The following AGR3 variants were observed in gnomAD, a reference collection of about 807,000 sequenced individuals.
The protein encoded by AGR3 is anterior gradient 3, protein disulphide isomerase family member.
AGR3 carries 37 observed loss-of-function variants against 24.5 expected under a neutral mutation model. That is an observed-to-expected ratio of 1.51 (90% CI 1.16 to 1.99). AGR3 has a LOEUF of 1.99. Among genes scored for constraint, AGR3 ranks in the 30% most tolerant of loss-of-function variants. The pLI is 0.00. For synonymous variants in AGR3, 75 were observed against 61.6 expected (o/e 1.22, Z -1.02); for missense variants, 228 against 191.1 (o/e 1.19, Z -1.14).
chr7:16,880,247 G>A (rs1290252738), intron 1 of AGR3, among the ~76,000 whole-genome samples: 1 of 136,632 alleles, frequency 7.3e-6, no homozygotes, highest in Non-Finnish European at 1.5e-5. Context: ...TGCAACCTCC[G>A]CCTCCCAGGT....
chr7:16,863,719 T>C (rs1217157053), intron 3 of AGR3, among the ~76,000 whole-genome samples: 3 of 151,948 alleles, frequency 2.0e-5, no homozygotes, highest in Non-Finnish European at 2.9e-5. Flanking sequence ...ATGCCACTGT[T>C]CTTTTATATT....
At chr7:16,859,394 A>G (rs1392567054), downstream of AGR3, 3 of 513,248 alleles carry the variant, frequency 5.8e-6, no homozygotes, top group Non-Finnish European at 1.0e-5. Flanking sequence ...AGGCAGAAAT[A>G]AAACTATATT....
At chr7:16,874,675 C>T (rs1299952881) in intron 2 of AGR3, among the ~76,000 whole-genome samples, 2 of 152,098 alleles carry the variant, frequency 1.3e-5, no homozygotes, top group African/African-American at 4.8e-5. Flanking sequence ...TGTTGTCAGA[C>T]CACAGTTTCT....
At chr7:16,881,520 G>A (rs1782116478) in intron 1 of AGR3, among the ~76,000 whole-genome samples, 1 of 152,170 alleles carries the variant, frequency 6.6e-6, no homozygotes. Flanking sequence ...ATGCATTTGG[G>A]AGGCACATAA....
chr7:16,862,853 C>G (rs954957457), intron 3 of AGR3, among the ~76,000 whole-genome samples, 191 bp from the exon 4 acceptor site: 2 of 152,150 alleles, frequency 1.3e-5, no homozygotes, highest in Admixed American at 6.5e-5. Flanking sequence ...ATCAGTATCA[C>G]TAGGTAGCTT....
At chr7:16,872,101 A>G (rs1781877051) in intron 3 of AGR3, among the ~76,000 whole-genome samples, 1 of 152,182 alleles carries the variant, frequency 6.6e-6, no homozygotes, top group Non-Finnish European at 1.5e-5. Flanking sequence ...CAGAAAGAAA[A>G]AAATCTTCAA....
downstream of AGR3, among the ~76,000 whole-genome samples, chr7:16,858,163 T>A (rs1207930721): frequency 1.3e-5 from 2 of 152,036 alleles, no homozygotes; most frequent in African/African-American, 4.8e-5. Context: ...AATTTTCGTA[T>A]TTTTAATAGA....
chr7:16,865,293 C>T, intron 3 of AGR3: 1 of 1,066,628 alleles, frequency 9.4e-7, no homozygotes. Context: ...AATCTGGAGG[C>T]TGTTTATTGC....
chr7:16,867,534 G>A (rs1210382070), intron 3 of AGR3, among the ~76,000 whole-genome samples: 1 of 152,004 alleles, frequency 6.6e-6, no homozygotes, highest in Admixed American at 6.6e-5. Flanking sequence ...AAAATTTACT[G>A]TCAGCAATTT....
In AGR3 at chr7:16,873,633, C is replaced by G. The variant is rs112712761; in HGVS notation, c.173+147G>C. 5.9e-5 allele frequency: 37 copies of G among 625,836 alleles called. 1 individual carries two copies. The highest frequency in any genetic ancestry group is 8.5e-4 in the Middle Eastern group (2 of 2,350). 38.8% of individuals were successfully genotyped at this position (625,836 alleles called of 1,614,324 possible). On this transcript the variant is annotated intron_variant, in intron 3 of 7. Transcript: ENST00000310398. ...CCCACCAGAAAGAAATGATATGTTTCAGGTGATGCATATGCTAATTACACT... is the reference window on the plus strand; with the variant it reads ...CCCACCAGAAAGAAATGATATGTTTGAGGTGATGCATATGCTAATTACACT...
At position 16,867,286 on chromosome 7, in the gene AGR3, C is replaced by T. The variant is rs184851847; in HGVS notation, c.174-4624G>A. 5.8e-3 allele frequency among the ~76,000 whole-genome samples: 881 copies of T among 152,234 alleles called. 3 individuals are homozygous for T. The highest frequency in any genetic ancestry group is 0.021 in the Middle Eastern group (6 of 292). On this transcript the variant is annotated intron_variant, in intron 3 of 7. Transcript: ENST00000310398. Reference sequence around the variant, plus strand: ...CTAATTATTACATAATCTGTCTCCCCTATTCCTGATTTAAAATACCACTTC... The same window carrying T: ...CTAATTATTACATAATCTGTCTCCCTTATTCCTGATTTAAAATACCACTTC...
chr7:16,872,167 G>A (rs1052487810), intron 3 of AGR3, among the ~76,000 whole-genome samples: 3 of 152,050 alleles, frequency 2.0e-5, no homozygotes, highest in South Asian at 2.1e-4. Context: ...TGAGTGAAAA[G>A]AACAAAACTG....
At chr7:16,875,426 C>T (rs1226830917) in intron 2 of AGR3, among the ~76,000 whole-genome samples, 3 of 152,042 alleles carry the variant, frequency 2.0e-5, no homozygotes, top group Non-Finnish European at 4.4e-5. Context: ...CTTATAGTGC[C>T]ATGTATTATT....
At chr7:16,866,841 A>G (rs1781767753) in intron 3 of AGR3, among the ~76,000 whole-genome samples, 1 of 152,090 alleles carries the variant, frequency 6.6e-6, no homozygotes, top group Non-Finnish European at 1.5e-5. Context: ...CCCTTCTAAT[A>G]TGTGCTGCAG....
chr7:16,859,745 G>T lies in AGR3; in HGVS notation c.452-114C>A, dbSNP rs756782097. On this transcript the variant is annotated intron_variant, in intron 7 of 7. Transcript: ENST00000310398. ...ATTTAAATTAATAGCTTTGAACATG[G>T]GAATTCGTCTATGACATTAAAGAAT... is the stretch of plus-strand genomic sequence containing the variant. 1.4e-4 allele frequency: 89 copies of T among 635,740 alleles called. 1 individual carries two copies. The highest frequency in any genetic ancestry group is 2.1e-4 in the Non-Finnish European group (81 of 384,118). The allele number at this position is 635,740 out of a possible 1,614,324, so 39.4% of individuals were successfully genotyped here.
chr7:16,879,372 C>G (rs1256437550), intron 1 of AGR3, among the ~76,000 whole-genome samples: 4 of 152,178 alleles, frequency 2.6e-5, no homozygotes, highest in Admixed American at 2.6e-4. Context: ...CAATGTGCAT[C>G]TTTTATACTT....
chr7:16,873,997 G>T (rs1437262343), intron 2 of AGR3, among the ~76,000 whole-genome samples, 154 bp from the exon 3 acceptor site: 1 of 152,170 alleles, frequency 6.6e-6, no homozygotes, highest in Non-Finnish European at 1.5e-5. Context: ...ATTTTCACAA[G>T]ATATGGAGGT....
At chr7:16,855,653 G>A (rs926590597), downstream of AGR3, among the ~76,000 whole-genome samples, 17 of 152,148 alleles carry the variant, frequency 1.1e-4, no homozygotes, top group African/African-American at 1.9e-4. Context: ...CAGATGTTGC[G>A]CAAAAAACAA....
At chr7:16,872,380 G>A (rs1257650523) in intron 3 of AGR3, among the ~76,000 whole-genome samples, 3 of 152,152 alleles carry the variant, frequency 2.0e-5, no homozygotes, top group South Asian at 2.1e-4. Context: ...TCAATAAATG[G>A]TGCTGGAAAA....
Sources: allele counts gnomAD v4.1 joint callset (sites outside exome capture counted in the v4.1 genomes callset), GRCh38; gene constraint gnomAD v4.1.1; transcripts MANE v1.5; gene names NCBI Gene and HGNC (gene_info 2026-07-23, HGNC 2026-07-21).